The following AFM variants were observed in gnomAD, a reference collection of about 807,000 sequenced individuals.
AFM encodes afamin.
Under a neutral mutation model 68.7 loss-of-function variants are expected in AFM, and 82 were observed. The ratio of observed to expected loss-of-function variants is 1.19; its 90% confidence interval spans 1.00 to 1.43. The LOEUF is 1.43. AFM is among the 40% of genes most tolerant of loss of function. AFM has a pLI of 0.00. For synonymous variants in AFM, 250 were observed against 234.2 expected, an observed-to-expected ratio of 1.07 and a Z score of -0.61; for missense variants, 772 against 701.8, an observed-to-expected ratio of 1.10 and a Z score of -1.13.
chr4:73,482,535 T>C (rs552142714), intron 1 of AFM, among the ~76,000 whole-genome samples: 17 of 152,222 alleles, frequency 1.1e-4, no homozygotes, highest in Non-Finnish European at 2.1e-4. Context: ...CTTACTCAAT[T>C]TGACATGCCC....
chr4:73,499,956 C>T, intron 11 of AFM, 48 bp from the exon 12 acceptor site: 1 of 1,491,850 alleles, frequency 6.7e-7, no homozygotes, highest in Non-Finnish European at 9.3e-7. Flanking sequence ...TTAGAAATTC[C>T]ATTCAAGTTT....
At chr4:73,499,890 A>C in intron 11 of AFM, 114 bp from the exon 12 acceptor site, 1 of 854,628 alleles carries the variant, frequency 1.2e-6, no homozygotes, top group Non-Finnish European at 1.8e-6. Flanking sequence ...CATGTGTTTT[A>C]TGAGTGAGGT....
Position 73,481,814 on chromosome 4 carries a change from G to T in AFM, c.39G>T (p.Leu13Phe). Residue 13 changes from leucine (L) to phenylalanine (F), a missense_variant, in exon 1 of 15, where the codon TTG becomes TTT. Leu to Phe is a conservative substitution (Grantham distance 22, BLOSUM62 0). Transcript: ENST00000226355. ...LLKLTGFIFF[L>F]FFLTESLTLP... is the part of the protein sequence containing the mutation. The stretch of plus-strand genomic sequence containing the variant: ...AACTTACAGGTTTTATTTTTTTCTT[G>T]TTTTTTTTGACTGAATCCCTAACCC... 2 of 1,603,324 alleles carry T rather than the reference G, an allele frequency of 1.2e-6. No homozygotes were observed. The highest frequency in any genetic ancestry group is 1.7e-6 in the Non-Finnish European group (2 of 1,174,534).
chr4:73,482,012 C>T, intron 1 of AFM, 149 bp downstream of exon 1: 1 of 599,930 alleles, frequency 1.7e-6, no homozygotes, highest in Non-Finnish European at 2.9e-6. Flanking sequence ...CCAAAACTAA[C>T]CTTTTCAGAA....
intron 6 of AFM, among the ~76,000 whole-genome samples, chr4:73,488,330 A>AGGAAGTG (rs1720968426): frequency 2.6e-5 from 4 of 152,156 alleles, no homozygotes; most frequent in Non-Finnish European, 5.9e-5. Context: ...TGAGCTTACA[A>AGGAAGTG]TAGGAAGTGG....
rs1721246840 is a variant in AFM at position 73,496,131 on chromosome 4, A to G, written c.1191+699A>G. On this transcript the variant is annotated intron_variant, in intron 9 of 14. Coordinates refer to ENST00000226355, the MANE Select transcript of AFM (RefSeq NM_001133.2). ...AAAATTTATTCTCTCACAAGAGGCC[A>G]GAAGCCTGAAATGAGTCTCATGGGG... 3.9e-5 allele frequency among the ~76,000 whole-genome samples: 6 copies of G among 152,228 alleles called. No homozygotes were observed. In the South Asian group the frequency reaches 1.0e-3, roughly 26 times the overall value.
chr4:73,489,306 G>A (rs192450725), intron 7 of AFM, among the ~76,000 whole-genome samples: 313 of 145,376 alleles, frequency 2.2e-3, no homozygotes, highest in Non-Finnish European at 3.6e-3. Context: ...TTCTTTCCAC[G>A]TTCCCTTTCC....
At chr4:73,498,216 A>C (rs533896289) in intron 10 of AFM, among the ~76,000 whole-genome samples, 11 of 152,148 alleles carry the variant, frequency 7.2e-5, no homozygotes, top group African/African-American at 2.4e-4. Flanking sequence ...TTTGTGAATA[A>C]TATGCAGTTT....
Position 73,483,986 on chromosome 4 carries a change from A to G in AFM, c.134A>G (p.Tyr45Cys). The G allele has an allele frequency of 6.6e-7, 1 of 1,523,348 alleles. No homozygotes were observed. The highest frequency in any genetic ancestry group is 9.0e-7 in the Non-Finnish European group (1 of 1,113,230). 94.4% of individuals were successfully genotyped at this position (1,523,348 alleles called of 1,614,324 possible). The change falls in exon 2 of 15, where the codon TAC becomes TGC. Residue 45 changes from tyrosine to cysteine, a missense_variant. Transcript: ENST00000226355. Reference protein sequence around the residue: ...TQKFIEDNIEYITIIAFAQYV... With the variant: ...TQKFIEDNIECITIIAFAQYV... ...AAATTTATAGAAGATAATATTGAAT[A>G]CATGTGAGTTGTGCTAAATACTTTT...
At chr4:73,493,614 T>C (rs1285789043) in intron 8 of AFM, among the ~76,000 whole-genome samples, 1 of 152,234 alleles carries the variant, frequency 6.6e-6, no homozygotes, top group African/African-American at 2.4e-5. Flanking sequence ...GAAGTTAGTA[T>C]ACTTTTATAA....
intron 11 of AFM, 121 bp from the exon 12 acceptor site, chr4:73,499,883 G>A (rs1577981483): frequency 1.3e-6 from 1 of 793,234 alleles, no homozygotes; most frequent in Non-Finnish European, 2.0e-6. Context: ...ATGAGTGCAT[G>A]TGTTTTATGA....
chr4:73,503,013 T>C (rs1462120526), intron 13 of AFM, 37 bp from the exon 14 acceptor site: 1 of 1,604,598 alleles, frequency 6.2e-7, no homozygotes, highest in South Asian at 1.1e-5. Flanking sequence ...CTTAAATTTT[T>C]CTTCCTATGT....
intron 3 of AFM, among the ~76,000 whole-genome samples, chr4:73,485,020 A>G (rs1012566831): frequency 6.6e-6 from 1 of 152,140 alleles, no homozygotes; most frequent in African/African-American, 2.4e-5. Context: ...ACAGAAGGAG[A>G]TTGCTGTGTA....
chr4:73,487,712 T>C lies in AFM; in HGVS notation c.616-12T>C, dbSNP rs922570664. 1 of 1,562,014 alleles carries C rather than the reference T, an allele frequency of 6.4e-7. No homozygotes were observed. Among genetic ancestry groups the C allele is most frequent in the Admixed American group, 1.7e-5 (1 of 57,924 alleles). Reference sequence around the variant, plus strand: ...GCTATTGTTTCAAAAGAATTTTCTCTTTCTTCTTCAGGCAATACCTGTCAC... The same window carrying C: ...GCTATTGTTTCAAAAGAATTTTCTCCTTCTTCTTCAGGCAATACCTGTCAC... On this transcript the variant is annotated splice_polypyrimidine_tract_variant and intron_variant, in intron 5 of 14. Transcript: ENST00000226355.
chr4:73,487,745 T>G lies in AFM; in HGVS notation c.637T>G (p.Leu213Val), dbSNP rs1425318830. ...TCAGGCAATACCTGTCACACAATAT[T>G]TAAAAGCATTTTCTTCTTATCAAAA... is the stretch of plus-strand genomic sequence containing the variant. ...QTRAIPVTQY[L>V]KAFSSYQKHV... Residue 213 changes from leucine (L) to valine (V), a missense_variant, in exon 6 of 15, where the codon TTA becomes GTA. Physicochemically the swap from Leu to Val is conservative, Grantham distance 32. Coordinates refer to ENST00000226355, the MANE Select transcript of AFM (RefSeq NM_001133.2). The G allele has an allele frequency of 6.2e-7, 1 of 1,612,622 alleles. No homozygotes were observed. Among genetic ancestry groups the G allele is most frequent in the East Asian group, 2.2e-5 (1 of 44,822 alleles).
chr4:73,503,193 G>T (rs1243176728), intron 14 of AFM, 83 bp downstream of exon 14: 19 of 1,061,820 alleles, frequency 1.8e-5, no homozygotes, highest in African/African-American at 1.6e-5. Flanking sequence ...ATGCTTCTTT[G>T]TCTATTTCTG....
chr4:73,497,474 A>G (rs149533737), intron 9 of AFM, among the ~76,000 whole-genome samples, 178 bp from the exon 10 acceptor site: 2 of 152,222 alleles, frequency 1.3e-5, no homozygotes, highest in Admixed American at 1.3e-4. Context: ...ATATTTTTAT[A>G]TACATAATTA....
chr4:73,485,337 G>A (rs898799744), intron 3 of AFM, among the ~76,000 whole-genome samples: 10 of 152,138 alleles, frequency 6.6e-5, no homozygotes, highest in Admixed American at 6.5e-4. Context: ...GTAAGAGGTG[G>A]AAGTGTCTTG....
chr4:73,494,435 A>G (rs1336808605), intron 8 of AFM, among the ~76,000 whole-genome samples: 1 of 152,148 alleles, frequency 6.6e-6, no homozygotes, highest in Non-Finnish European at 1.5e-5. Flanking sequence ...CAGCTGAGGT[A>G]CTTCAAGATG....
Sources: gnomAD v4.1 joint callset for allele counts (sites outside exome capture counted in the v4.1 genomes callset) on GRCh38, gnomAD v4.1.1 for gene constraint, MANE v1.5 for transcripts, NCBI Gene and HGNC (gene_info 2026-07-23, HGNC 2026-07-21) for gene names.